The following PPARGC1A variants were observed in gnomAD, a reference collection of about 807,000 sequenced individuals.
PPARGC1A encodes the protein PPARG coactivator 1 alpha, also known as peroxisome proliferator-activated receptor gamma coactivator 1-alpha.
A neutral mutation model predicts 88.7 loss-of-function variants in PPARGC1A; 25 were observed. The ratio of observed to expected loss-of-function variants is 0.28; its 90% confidence interval spans 0.21 to 0.39. PPARGC1A has a LOEUF of 0.39. Among genes scored for constraint, PPARGC1A ranks in the 10% least tolerant of loss-of-function variants. PPARGC1A has a pLI of 1.00. For synonymous variants in PPARGC1A, 363 were observed against 355.6 expected, an observed-to-expected ratio of 1.02 and a Z score of -0.24; for missense variants, 880 against 968.7, an observed-to-expected ratio of 0.91 and a Z score of 1.22.
chr4:23,889,150 A>T, intron 1 of PPARGC1A: 3 of 985,268 alleles, frequency 3.0e-6, no homozygotes, highest in Non-Finnish European at 3.6e-6. Context: ...CTATTTTTAC[A>T]CTAGCAGCGA....
chr4:23,946,810 G>A, the PPARGC1A span, among the ~76,000 whole-genome samples: 1 of 151,284 alleles, frequency 6.6e-6, no homozygotes, highest in Non-Finnish European at 1.5e-5. Flanking sequence ...GAAAATATAT[G>A]TACACACACA....
the PPARGC1A span, among the ~76,000 whole-genome samples, chr4:24,374,395 G>T: frequency 7.9e-5 from 12 of 152,086 alleles, no homozygotes; most frequent in Admixed American, 3.3e-4. Flanking sequence ...CGCACATTGG[G>T]GTCTATCAGA....
chr4:23,802,264 C>CA lies in PPARGC1A; in HGVS notation c.2100dup (p.Gly701TrpfsTer2). The CA allele has an allele frequency of 6.2e-7, 1 of 1,614,002 alleles. No individual in the cohort carries two copies. ...TTTACTGTGCACTCCTCAATTTCAC[C>CA]AAAAACTTCAAAACGGTCCCTCAGT... On this transcript the variant is annotated frameshift_variant, in exon 11 of 13. Transcript: ENST00000264867. LOFTEE classifies it high-confidence loss of function.
At chr4:24,401,224 T>C in the PPARGC1A span, among the ~76,000 whole-genome samples, 4 of 151,998 alleles carry the variant, frequency 2.6e-5, no homozygotes, top group African/African-American at 9.6e-5. Flanking sequence ...TTCACCGTGT[T>C]AGCCAGGATG....
the PPARGC1A span, among the ~76,000 whole-genome samples, chr4:23,920,871 C>T: frequency 1.3e-5 from 2 of 152,154 alleles, no homozygotes; most frequent in East Asian, 1.9e-4. Context: ...ATTCTTCAAA[C>T]CAGTTCAGCC....
the PPARGC1A span, among the ~76,000 whole-genome samples, chr4:24,343,239 G>T: frequency 2.0e-5 from 3 of 152,288 alleles, no homozygotes; most frequent in East Asian, 3.9e-4. Flanking sequence ...GTAATTTTAT[G>T]GTTGGAATGT....
chr4:23,801,777 T>C lies in PPARGC1A; in HGVS notation c.2246A>G (p.Tyr749Cys). 6.2e-7 allele frequency: 1 copy of C among 1,614,044 alleles called. No homozygotes were observed. The highest frequency in any genetic ancestry group is 1.7e-5 in the Admixed American group (1 of 60,016). ...RRSNETDFEL[Y>C]FCGRKQFFKS... ...GAAAAATTGCTTGCGTCCACAAAAG[T>C]ACAGCTCAAAGTCAGTTTCGTTTGA... The change falls in exon 12 of 13, where the codon TAC (tyrosine) becomes TGC (cysteine). Residue 749 changes from tyrosine to cysteine, a missense_variant. Physicochemically the swap from Tyr to Cys is radical, Grantham distance 194. Coordinates refer to ENST00000264867, the MANE Select transcript of PPARGC1A (RefSeq NM_013261.5).
the PPARGC1A span, among the ~76,000 whole-genome samples, chr4:24,317,555 TAAAAAAAAAAAAAAAAAA>T: frequency 0.024 from 523 of 22,216 alleles, 6 homozygotes; most frequent in Middle Eastern, 0.042. Flanking sequence ...TTCAGAGGAC[TAAAAAAAAAAAAAAAAAA>T]AAAAAAAAAA....
the PPARGC1A span, among the ~76,000 whole-genome samples, chr4:23,968,814 C>T: frequency 6.6e-6 from 1 of 151,966 alleles, no homozygotes; most frequent in Non-Finnish European, 1.5e-5. Flanking sequence ...ACTAAGGAGG[C>T]TGAGGCAGAA....
intron 2 of PPARGC1A, among the ~76,000 whole-genome samples, chr4:23,848,659 A>G (rs1434026182): frequency 1.3e-5 from 2 of 152,208 alleles, no homozygotes; most frequent in South Asian, 4.1e-4. Flanking sequence ...AGAGCATTCA[A>G]TATTCTTGAA....
chr4:24,364,564 C>G, the PPARGC1A span, among the ~76,000 whole-genome samples: 4 of 152,090 alleles, frequency 2.6e-5, no homozygotes, highest in Admixed American at 6.5e-5. Context: ...AATAGCCAAG[C>G]CTTTTTTCTA....
the PPARGC1A span, among the ~76,000 whole-genome samples, chr4:24,399,306 G>C: frequency 1.3e-5 from 2 of 152,084 alleles, no homozygotes; most frequent in African/African-American, 4.8e-5. Context: ...GAATACCTGG[G>C]CAACCCACTA....
chr4:24,309,052 A>T, the PPARGC1A span, among the ~76,000 whole-genome samples: 1 of 152,198 alleles, frequency 6.6e-6, no homozygotes, highest in South Asian at 2.1e-4. Context: ...TCATTCATTC[A>T]TTCAGTAGGT....
chr4:24,353,557 T>C, the PPARGC1A span, among the ~76,000 whole-genome samples: 1 of 152,188 alleles, frequency 6.6e-6, no homozygotes, highest in Non-Finnish European at 1.5e-5. Context: ...CTAAGAAGGA[T>C]GCAAAAATGG....
At chr4:23,950,009 C>G in the PPARGC1A span, among the ~76,000 whole-genome samples, 22 of 152,112 alleles carry the variant, frequency 1.4e-4, no homozygotes, top group Non-Finnish European at 1.9e-4. Flanking sequence ...TAAAAGTGCT[C>G]TCCTCTGAAA....
chr4:23,841,948 A>G (rs1451344124), intron 2 of PPARGC1A, among the ~76,000 whole-genome samples: 1 of 152,144 alleles, frequency 6.6e-6, no homozygotes, highest in Non-Finnish European at 1.5e-5. Context: ...CCCTATTATT[A>G]TGTCCAAACT....
chr4:24,162,018 G>T, the PPARGC1A span, among the ~76,000 whole-genome samples: 1 of 141,266 alleles, frequency 7.1e-6, no homozygotes, highest in Non-Finnish European at 1.5e-5. Context: ...ACACACCATG[G>T]AATACTATTC....
chr4:24,050,437 C>A, the PPARGC1A span, among the ~76,000 whole-genome samples: 23 of 152,012 alleles, frequency 1.5e-4, no homozygotes, highest in Non-Finnish European at 3.1e-4. Flanking sequence ...ACCTTGTGAT[C>A]CGCCCACCTC....
chr4:24,328,251 G>GCC, the PPARGC1A span, among the ~76,000 whole-genome samples: 11 of 130,914 alleles, frequency 8.4e-5, no homozygotes, highest in African/African-American at 3.0e-4. Flanking sequence ...GAAATTAGCA[G>GCC]CCCCCCCCCC....
Sources: allele counts gnomAD v4.1 joint callset (sites outside exome capture counted in the v4.1 genomes callset), GRCh38; gene constraint gnomAD v4.1.1; transcripts MANE v1.5; gene names NCBI Gene and HGNC (gene_info 2026-07-23, HGNC 2026-07-21).